GNAO1: variants seen among roughly 807,000 people sequenced by gnomAD.
GNAO1 encodes the protein guanine nucleotide-binding protein G(o) subunit alpha.
For missense variants in GNAO1, 166 were observed against 478.7 expected (o/e 0.35, Z 6.10); for synonymous variants, 164 against 180.7 (o/e 0.91, Z 0.74).
At chr16:56,290,712 A>C (rs1216744447) in intron 3 of GNAO1, among the ~76,000 whole-genome samples, 1 of 152,150 alleles carries the variant, frequency 6.6e-6, no homozygotes, top group African/African-American at 2.4e-5. Context: ...GGCTCTGTGC[A>C]TCCACTCCTG....
At chr16:56,283,820 A>T (rs2037137717) in intron 3 of GNAO1, among the ~76,000 whole-genome samples, 1 of 152,196 alleles carries the variant, frequency 6.6e-6, no homozygotes, top group Non-Finnish European at 1.5e-5. Context: ...ACAGCCCCAG[A>T]GCCTGCCCTG....
chr16:56,192,374 C>T (rs1458259540), intron 1 of GNAO1, 21 bp downstream of exon 1: 1 of 1,391,818 alleles, frequency 7.2e-7, no homozygotes, highest in African/African-American at 1.4e-5. Context: ...CCGCTGCTAC[C>T]CCCATCCCCC....
intron 2 of GNAO1, among the ~76,000 whole-genome samples, chr16:56,254,540 T>A (rs1331465320): frequency 6.6e-6 from 1 of 152,144 alleles, no homozygotes; most frequent in Non-Finnish European, 1.5e-5. Flanking sequence ...ATGCATTTAT[T>A]TTCAACATTT....
intron 2 of GNAO1, among the ~76,000 whole-genome samples, chr16:56,261,633 G>A (rs1326364572): frequency 6.6e-6 from 1 of 152,188 alleles, no homozygotes; most frequent in Non-Finnish European, 1.5e-5. Context: ...GGAGTCGGGG[G>A]AGGAGTGGAC....
intron 2 of GNAO1, among the ~76,000 whole-genome samples, chr16:56,259,562 G>C (rs191198975): frequency 6.6e-6 from 1 of 152,218 alleles, no homozygotes; most frequent in Admixed American, 6.5e-5. Context: ...TGACTGTGAT[G>C]GTGATCCCGA....
intron 2 of GNAO1, among the ~76,000 whole-genome samples, chr16:56,254,887 C>T (rs1406182242): frequency 6.6e-6 from 1 of 152,098 alleles, no homozygotes; most frequent in South Asian, 2.1e-4. Flanking sequence ...CATAATTAAA[C>T]ACATATTGCT....
At chr16:56,355,162 C>A in intron 8 of GNAO1, 81 bp downstream of exon 8, 1 of 464,988 alleles carries the variant, frequency 2.2e-6, no homozygotes, top group Non-Finnish European at 3.7e-6. Context: ...ACACCACTAA[C>A]AAATGCAAGT....
chr16:56,286,723 GTGTGTGTGTA>G (rs547489067), intron 3 of GNAO1, among the ~76,000 whole-genome samples: 2,281 of 148,542 alleles, frequency 0.015, 24 homozygotes, highest in Non-Finnish European at 0.024. Flanking sequence ...GTGTGTGTGT[GTGTGTGTGTA>G]TGTGTGTATC....
chr16:56,337,261 C>T (rs532677146), intron 6 of GNAO1, among the ~76,000 whole-genome samples: 1 of 152,382 alleles, frequency 6.6e-6, no homozygotes, highest in African/African-American at 2.4e-5. Flanking sequence ...CCCTGGGGCA[C>T]TGGCGTCAGA....
chr16:56,294,379 T>C (rs2037264033), intron 3 of GNAO1, among the ~76,000 whole-genome samples: 1 of 149,938 alleles, frequency 6.7e-6, no homozygotes, highest in Non-Finnish European at 1.5e-5. Context: ...GGGTGTGAGC[T>C]AGGTGTCTGC....
chr16:56,235,422 C>G (rs1162280382), intron 2 of GNAO1: 1 of 455,904 alleles, frequency 2.2e-6, no homozygotes, highest in Non-Finnish European at 4.4e-6. Flanking sequence ...CGGCGGGACA[C>G]TACGCAGTCC....
At chr16:56,227,147 GTTT>G (rs1439084963) in intron 2 of GNAO1, among the ~76,000 whole-genome samples, 43 of 152,030 alleles carry the variant, frequency 2.8e-4, no homozygotes, top group African/African-American at 8.9e-4. Flanking sequence ...TTTTGTTTTT[GTTT>G]TTGTTTTTTA....
chr16:56,310,161 GA>G (rs547268864), intron 3 of GNAO1, among the ~76,000 whole-genome samples: 1,790 of 147,570 alleles, frequency 0.012, 29 homozygotes, highest in Non-Finnish European at 0.017. Flanking sequence ...AAAAAAGAAA[GA>G]AAAAAAAAAG....
At chr16:56,203,238 C>T (rs1462901200) in intron 2 of GNAO1, among the ~76,000 whole-genome samples, 1 of 152,004 alleles carries the variant, frequency 6.6e-6, no homozygotes, top group Non-Finnish European at 1.5e-5. Context: ...CCAGTCACTG[C>T]CCCCTGCTGC....
Position 56,318,226 on chromosome 16 carries a change from G to A in GNAO1, c.304-10405G>A, listed in dbSNP as rs969547912. On this transcript the variant is annotated intron_variant, in intron 3 of 8. Coordinates refer to ENST00000262493, the MANE Select transcript of GNAO1 (RefSeq NM_020988.3). ...GGCTCTCTCCTGTGCCGGAGAGAAC[G>A]GAGAGAACGTGACGGTGTTTCCTCA... Among the ~76,000 whole-genome samples, 17 of 152,340 alleles carry A rather than the reference G, an allele frequency of 1.1e-4. 1 individual carries two copies. The highest frequency in any genetic ancestry group is 9.1e-4 in the Admixed American group (14 of 15,306).
At chr16:56,280,984 T>C (rs1370865860) in intron 3 of GNAO1, among the ~76,000 whole-genome samples, 2 of 152,188 alleles carry the variant, frequency 1.3e-5, no homozygotes, top group Non-Finnish European at 2.9e-5. Flanking sequence ...GCCTAATTTG[T>C]CCTGTTATTT....
rs1177126677 is a variant in GNAO1, at chr16:56,254,024, A to AT, written c.162-21898dup. Among the ~76,000 whole-genome samples, 11 of 147,354 alleles carry AT rather than the reference A, an allele frequency of 7.5e-5. No homozygotes were observed. In the East Asian group the frequency reaches 1.4e-3, roughly 18 times the overall value. ...ATCTGGTTTTATGCCCTTCCATAAA[A>AT]TTTTTTTTTATTAAACATACATTGT... is the stretch of plus-strand genomic sequence containing the variant. On this transcript the variant is annotated intron_variant, in intron 2 of 8. Coordinates refer to ENST00000262493, the MANE Select transcript of GNAO1 (RefSeq NM_020988.3).
intron 2 of GNAO1, among the ~76,000 whole-genome samples, chr16:56,275,641 A>G (rs1407452869): frequency 1.3e-5 from 2 of 152,238 alleles, no homozygotes; most frequent in Admixed American, 1.3e-4. Flanking sequence ...TGCTTAATGT[A>G]TGCCCTTCCT....
At chr16:56,192,832 G>T in intron 2 of GNAO1, 1 of 566,736 alleles carries the variant, frequency 1.8e-6, no homozygotes, top group Non-Finnish European at 3.1e-6. Flanking sequence ...TGTTTTTTGG[G>T]AGGGGGAAGG....
Sources: allele counts gnomAD v4.1 joint callset (sites outside exome capture counted in the v4.1 genomes callset), GRCh38; gene constraint gnomAD v4.1.1; transcripts MANE v1.5; gene names NCBI Gene and HGNC (gene_info 2026-07-23, HGNC 2026-07-21).